Variants in TSG101 observed in about 807,000 individuals in gnomAD.
TSG101 encodes the protein tumor susceptibility gene 101 protein.
A neutral mutation model predicts 48.5 loss-of-function variants in TSG101; 19 were observed. The observed-to-expected ratio is 0.39, with a 90% CI of 0.27 to 0.58. The LOEUF is 0.58. Ranked by LOEUF, TSG101 falls within the 20% of genes least tolerant of loss-of-function variation. The pLI is 0.55. For synonymous variants in TSG101, 174 were observed against 169.4 expected (o/e 1.03, Z -0.21); for missense variants, 365 against 484.4 (o/e 0.75, Z 2.31).
chr11:18,490,831 AT>A, intron 7 of TSG101: 1 of 545,530 alleles, frequency 1.8e-6, no homozygotes, highest in Non-Finnish European at 3.7e-6. Context: ...CAGAGAGCAG[AT>A]TTCTCTCTTC....
intron 8 of TSG101, 61 bp from the exon 9 acceptor site, chr11:18,481,930 T>C (rs1849547597): frequency 6.3e-7 from 1 of 1,578,926 alleles, no homozygotes; most frequent in Non-Finnish European, 8.6e-7. Flanking sequence ...GTCAGACACC[T>C]ACAACACTTC....
At chr11:18,506,507 A>G (rs1849975708) in intron 6 of TSG101, among the ~76,000 whole-genome samples, 1 of 152,048 alleles carries the variant, frequency 6.6e-6, no homozygotes, top group African/African-American at 2.4e-5. Flanking sequence ...CCTGGCCAAC[A>G]TGGTGAAATC....
intron 7 of TSG101, chr11:18,490,243 C>A: frequency 1.9e-6 from 1 of 525,302 alleles, no homozygotes; most frequent in South Asian, 1.5e-5. Context: ...TTACTTCTCT[C>A]CCTCCCCAGC....
chr11:18,500,531 GA>G (rs1308859237), intron 7 of TSG101, among the ~76,000 whole-genome samples: 1 of 151,944 alleles, frequency 6.6e-6, no homozygotes, highest in African/African-American at 2.4e-5. Context: ...TTCAAACTGG[GA>G]TAAGATTATA....
chr11:18,520,807 C>T (rs562362283), intron 1 of TSG101, among the ~76,000 whole-genome samples: 3 of 152,114 alleles, frequency 2.0e-5, no homozygotes, highest in Non-Finnish European at 2.9e-5. Flanking sequence ...CCGAGGCAGG[C>T]GGATCACGAG....
At chr11:18,513,915 A>G (rs1850127243) in intron 4 of TSG101, among the ~76,000 whole-genome samples, 1 of 152,104 alleles carries the variant, frequency 6.6e-6, no homozygotes, top group Non-Finnish European at 1.5e-5. Context: ...CCTCTACTAA[A>G]TACTAAAATA....
chr11:18,492,132 TA>T (rs1849707461), intron 7 of TSG101, among the ~76,000 whole-genome samples: 1 of 152,246 alleles, frequency 6.6e-6, no homozygotes, highest in African/African-American at 2.4e-5. Flanking sequence ...CCCCAGTTTA[TA>T]GTAAGGCTGC....
At chr11:18,515,641 C>G (rs908904492) in intron 3 of TSG101, among the ~76,000 whole-genome samples, 1 of 152,174 alleles carries the variant, frequency 6.6e-6, no homozygotes, top group African/African-American at 2.4e-5. Context: ...TCACTTCCCC[C>G]AAGTTAGGTA....
chr11:18,516,041 A>G (rs1850163947), intron 3 of TSG101, 58 bp downstream of exon 3: 1 of 1,477,764 alleles, frequency 6.8e-7, no homozygotes, highest in Non-Finnish European at 9.3e-7. Context: ...ACTCTTTGGC[A>G]ACATATTTAT....
rs765702652 is a variant in TSG101, at chr11:18,506,908, C to A, written c.497G>T (p.Gly166Val). Residue 166 changes from glycine to valine, a missense_variant, in exon 6 of 10, where the codon GGC becomes GTC. By Grantham distance (109) the Gly-to-Val change is moderately radical. Coordinates refer to ENST00000251968, the MANE Select transcript of TSG101 (RefSeq NM_006292.4). The stretch of plus-strand genomic sequence containing the variant: ...GTATGGAGAGATTCCACCTGGCATG[C>A]CTGGCATGTAGGAAGCTAAAAACAA... ...TGPPNTSYMP[G>V]MPGGISPYPS... is the part of the protein sequence containing the mutation. 5 of 1,606,072 alleles carry A rather than the reference C, an allele frequency of 3.1e-6. No homozygotes were observed. The African/African-American group carries it at 4.0e-5, about 13-fold the overall frequency.
intron 7 of TSG101, among the ~76,000 whole-genome samples, chr11:18,491,781 A>G (rs1353946541): frequency 3.3e-5 from 5 of 152,190 alleles, no homozygotes; most frequent in Non-Finnish European, 7.3e-5. Context: ...TTTCTTACCT[A>G]ATCAAGAACT....
chr11:18,482,468 CCTTCTAAGAATT>C (rs1339301954), intron 8 of TSG101, among the ~76,000 whole-genome samples: 12 of 152,290 alleles, frequency 7.9e-5, no homozygotes, highest in African/African-American at 1.4e-4. Flanking sequence ...AAGCCCTCAA[CCTTCTAAGAATT>C]CTTTACTATT....
In TSG101 at chr11:18,516,177, A is replaced by C. The variant is rs1441026760; in HGVS notation, c.128-13T>G. ...CCATCGTTAAAAACTGAAAGGAAAGAACAATGATTTAATCATGAGCATTTT... is the reference window on the plus strand; with the variant it reads ...CCATCGTTAAAAACTGAAAGGAAAGCACAATGATTTAATCATGAGCATTTT... On this transcript the variant is annotated splice_polypyrimidine_tract_variant and intron_variant, in intron 2 of 9. Coordinates refer to ENST00000251968, the MANE Select transcript of TSG101 (RefSeq NM_006292.4). 6.2e-7 allele frequency: 1 copy of C among 1,612,524 alleles called. No homozygotes were observed. The highest frequency in any genetic ancestry group is 1.7e-5 in the Admixed American group (1 of 59,920).
At chr11:18,503,196 C>T (rs1250089377) in intron 6 of TSG101, among the ~76,000 whole-genome samples, 1 of 152,088 alleles carries the variant, frequency 6.6e-6, no homozygotes. Flanking sequence ...TTATAACATC[C>T]CTGACAAATG....
intron 7 of TSG101, among the ~76,000 whole-genome samples, chr11:18,493,257 T>C (rs1206877609): frequency 1.3e-5 from 2 of 152,184 alleles, no homozygotes; most frequent in Non-Finnish European, 2.9e-5. Flanking sequence ...ATTTTTCTAG[T>C]ATTAGGAAAC....
intron 1 of TSG101, among the ~76,000 whole-genome samples, chr11:18,526,476 C>T (rs1401046652): frequency 6.6e-6 from 1 of 152,242 alleles, no homozygotes; most frequent in Non-Finnish European, 1.5e-5. Flanking sequence ...ACTACACTGC[C>T]CCACAGACAG....
At chr11:18,499,293 T>G (rs918380022) in intron 7 of TSG101, among the ~76,000 whole-genome samples, 10 of 117,964 alleles carry the variant, frequency 8.5e-5, no homozygotes, top group Non-Finnish European at 1.4e-4. Flanking sequence ...ATCATATATA[T>G]TTATATTTAT....
intron 2 of TSG101, among the ~76,000 whole-genome samples, chr11:18,518,301 C>T (rs542004602): frequency 1.1e-3 from 167 of 152,308 alleles, no homozygotes; most frequent in African/African-American, 3.8e-3. Context: ...TCCCACCTCT[C>T]TTCACCAGTT....
chr11:18,498,829 C>T (rs1038632461), intron 7 of TSG101, among the ~76,000 whole-genome samples: 12 of 151,986 alleles, frequency 7.9e-5, no homozygotes, highest in Non-Finnish European at 1.5e-4. Flanking sequence ...AATGGAAGAA[C>T]TTGCAGAGGA....
Sources: allele counts gnomAD v4.1 joint callset (sites outside exome capture counted in the v4.1 genomes callset), GRCh38; gene constraint gnomAD v4.1.1; transcripts MANE v1.5; gene names NCBI Gene and HGNC (gene_info 2026-07-23, HGNC 2026-07-21).